The following LSS variants were observed in gnomAD, a reference collection of about 807,000 sequenced individuals.
LSS encodes lanosterol synthase.
Under a neutral mutation model 110.3 loss-of-function variants are expected in LSS, and 90 were observed. The observed-to-expected ratio is 0.82, with a 90% CI of 0.69 to 0.97. The LOEUF (loss-of-function observed/expected upper bound fraction) is 0.97. Among genes scored for constraint, LSS ranks in the 50% least tolerant of loss-of-function variants. The probability of loss-of-function intolerance (pLI) is 0.00; values close to 1 mark genes in which losing one functional copy is unlikely to be tolerated. For missense variants in LSS, 927 were observed against 990.0 expected (o/e 0.94, Z 0.85); for synonymous variants, 433 against 400.0 (o/e 1.08, Z -0.98).
chr21:46,221,714 T>C, intron 5 of LSS, 140 bp downstream of exon 5: 1 of 1,288,634 alleles, frequency 7.8e-7, no homozygotes, highest in South Asian at 1.4e-5. Context: ...GTCTGCCTAC[T>C]TCTGCTTTGA....
At chr21:46,222,510 C>T in intron 4 of LSS, 120 bp downstream of exon 4, 1 of 834,564 alleles carries the variant, frequency 1.2e-6, no homozygotes. Context: ...CTCACCCACC[C>T]CACACCCACA....
intron 20 of LSS, chr21:46,192,468 G>A (rs1284028686): frequency 2.2e-6 from 1 of 454,190 alleles, no homozygotes; most frequent in Non-Finnish European, 4.4e-6. Flanking sequence ...TCCCCAAATG[G>A]CCACAAACCT....
At chr21:46,212,910 C>G in intron 11 of LSS, 115 bp downstream of exon 11, 1 of 1,285,804 alleles carries the variant, frequency 7.8e-7, no homozygotes, top group Admixed American at 1.8e-5. Flanking sequence ...AGCCTCTAGT[C>G]GCACGCTGCC....
chr21:46,202,288 G>A (rs1389792022), intron 17 of LSS, among the ~76,000 whole-genome samples: 1 of 143,610 alleles, frequency 7.0e-6, no homozygotes, highest in Non-Finnish European at 1.5e-5. Flanking sequence ...CAGCTACTTG[G>A]GAGGCTGAGG....
chr21:46,204,156 ATGG>A (rs1193964326), intron 17 of LSS, among the ~76,000 whole-genome samples: 1 of 152,038 alleles, frequency 6.6e-6, no homozygotes, highest in African/African-American at 2.4e-5. Flanking sequence ...TTGGCCAGTC[ATGG>A]TGGTCAGCAC....
At position 46,205,967 on chromosome 21, in the gene LSS, T is replaced by G. The variant is rs1179445203; in HGVS notation, c.1565-26A>C. On this transcript the variant is annotated intron_variant, in intron 16 of 21. Transcript: ENST00000397728. ...CTGGGAAAGGGAGGGAAGAACCAAG[T>G]GTTGGGTTTCACCCTGGCTGCCCAG... 5 of 1,549,950 alleles carry G rather than the reference T, an allele frequency of 3.2e-6. No individual in the cohort carries two copies. The Admixed American group carries it at 7.3e-5, about 23-fold the overall frequency.
At chr21:46,192,147 G>A in intron 20 of LSS, 188 bp from the exon 21 acceptor site, 1 of 624,380 alleles carries the variant, frequency 1.6e-6, no homozygotes, top group East Asian at 2.7e-5. Flanking sequence ...CTTCTTCCTA[G>A]GCTCCCTGAG....
At position 46,190,969 on chromosome 21, in the gene LSS, C is replaced by T. The variant is rs546930700; in HGVS notation, c.*135G>A. 2.3e-5 allele frequency: 25 copies of T among 1,069,464 alleles called. 1 individual carries two copies. The East Asian group carries it at 5.6e-4, about 24-fold the overall frequency. The allele number at this position is 1,069,464 out of a possible 1,614,324, so 66.2% of individuals were successfully genotyped here. On this transcript the variant is annotated 3_prime_UTR_variant, in exon 22 of 22. Transcript: ENST00000397728. The surrounding 1 kb of genome is among the most constrained non-coding windows in gnomAD (Gnocchi z 4.6). ...CCCCATCCCTGCCTCCAGCCTGGCC[C>T]CCAGATTCACATCTATGAGATAGAG...
intron 4 of LSS, 155 bp downstream of exon 4, chr21:46,222,475 C>A (rs748562462): frequency 1.6e-6 from 1 of 629,928 alleles, no homozygotes; most frequent in Non-Finnish European, 2.8e-6. Context: ...GGCCTTCAGC[C>A]CACTCCCCGC....
At chr21:46,211,757 TAAG>T (rs1270771934) in intron 11 of LSS, among the ~76,000 whole-genome samples, 1 of 152,094 alleles carries the variant, frequency 6.6e-6, no homozygotes, top group East Asian at 1.9e-4. Flanking sequence ...TCAGGGAACA[TAAG>T]AAGCAACCAG....
Position 46,210,754 on chromosome 21 carries a change from A to C in LSS, c.1138-10T>G. 3 of 1,613,706 alleles carry C rather than the reference A, an allele frequency of 1.9e-6. No homozygotes were observed. The highest frequency in any genetic ancestry group is 2.5e-6 in the Non-Finnish European group (3 of 1,179,788). ...GTGAGCCGTTGGTGCCCTACACACA[A>C]AGGATGGTGTTACAGCAGCAGATGC... On this transcript the variant is annotated splice_polypyrimidine_tract_variant and intron_variant, in intron 11 of 21. Transcript: ENST00000397728.
Position 46,212,970 on chromosome 21 carries a change from A to G in LSS, c.1137+55T>C, listed in dbSNP as rs79180912. On this transcript the variant is annotated intron_variant, in intron 11 of 21. Coordinates refer to ENST00000397728, the MANE Select transcript of LSS (RefSeq NM_002340.6). ...TTCTGAACCCCAAAGGAAAAATAAT[A>G]AAGGGGAGACATGATTGCAAAGGAA... 4,371 of 1,608,566 alleles carry G rather than the reference A, an allele frequency of 2.7e-3. 122 individuals are homozygous for G. The African/African-American group carries it at 0.053, about 19-fold the overall frequency.
chr21:46,197,452 A>C (rs1009326210), intron 17 of LSS, among the ~76,000 whole-genome samples: 4 of 152,268 alleles, frequency 2.6e-5, no homozygotes, highest in Non-Finnish European at 4.4e-5. Context: ...AGACACACTC[A>C]TTCTAATCTC....
intron 2 of LSS, 121 bp downstream of exon 2, chr21:46,228,313 C>A (rs578154773): frequency 3.3e-6 from 4 of 1,195,508 alleles, no homozygotes; most frequent in African/African-American, 3.1e-5. Context: ...CGTGGGCGCT[C>A]GCCTTGGGGA....
chr21:46,213,816 A>C lies in LSS; in HGVS notation c.1031T>G (p.Met344Arg). The change falls in exon 10 of 22, where the codon ATG becomes AGG. Residue 344 changes from methionine to arginine, a missense_variant. By Grantham distance (91) the Met-to-Arg change is moderately conservative. Coordinates refer to ENST00000397728, the MANE Select transcript of LSS (RefSeq NM_002340.6). ...SIGPISKTINMLVRWYVDGPA... is the reference protein window; with the variant it reads ...SIGPISKTINRLVRWYVDGPA... ...CCCGTCCACATACCAGCGCACAAGC[A>C]TGTTGATGGTTTTCGAGATCTGCAG... The C allele has an allele frequency of 6.2e-7, 1 of 1,613,930 alleles. No individual in the cohort carries two copies. Among genetic ancestry groups the C allele is most frequent in the Admixed American group, 1.7e-5 (1 of 60,008 alleles).
At chr21:46,200,133 T>C (rs1295137349) in intron 17 of LSS, among the ~76,000 whole-genome samples, 1 of 152,156 alleles carries the variant, frequency 6.6e-6, no homozygotes, top group Non-Finnish European at 1.5e-5. Context: ...TTAGCAAAAT[T>C]GTCTAGCTAT....
chr21:46,195,108 C>A (rs2079891531), intron 19 of LSS, among the ~76,000 whole-genome samples: 1 of 152,178 alleles, frequency 6.6e-6, no homozygotes, highest in African/African-American at 2.4e-5. Flanking sequence ...GCCTTCTAAC[C>A]CGCTCCAGCG....
chr21:46,226,731 T>G (rs903497510), intron 3 of LSS, among the ~76,000 whole-genome samples: 4 of 152,212 alleles, frequency 2.6e-5, no homozygotes, highest in Admixed American at 2.0e-4. Context: ...ATAAGCCTAT[T>G]GCAACTTCAT....
rs1466482529 is a variant in LSS at position 46,190,822 on chromosome 21, AGAAGGCG to A, written c.*275_*281del. 2.7e-5 allele frequency: 12 copies of A among 445,524 alleles called. No individual in the cohort carries two copies. The highest frequency in any genetic ancestry group is 4.5e-5 in the Non-Finnish European group (11 of 247,118). 27.6% of individuals were successfully genotyped at this position (445,524 alleles called of 1,614,324 possible). A position where few individuals can be genotyped will look rare whatever the true frequency, so the allele number is the denominator to read the frequency against. ...CCTTGAGGCCGTGCCCAGAGGTGGCAGAAGGCGCTGTGCCTCCTCAGGGGTCACGGCT... is the reference window on the plus strand; with the variant it reads ...CCTTGAGGCCGTGCCCAGAGGTGGCACTGTGCCTCCTCAGGGGTCACGGCT... On this transcript the variant is annotated 3_prime_UTR_variant, in exon 22 of 22. Transcript: ENST00000397728. This position sits in a 1 kb window ranked among gnomAD's most constrained non-coding sequence, Gnocchi z 4.6.
Sources: gnomAD v4.1 joint callset for allele counts (sites outside exome capture counted in the v4.1 genomes callset) on GRCh38, gnomAD v4.1.1 for gene constraint, Gnocchi (gnomAD v3.1) non-coding constraint, MANE v1.5 for transcripts, NCBI Gene and HGNC (gene_info 2026-07-23, HGNC 2026-07-21) for gene names.